The following SCN4B variants were observed in gnomAD, a reference collection of about 807,000 sequenced individuals.
SCN4B encodes sodium voltage-gated channel beta subunit 4.
In SCN4B, 20 loss-of-function variants were observed where a neutral mutation model predicts 19.6. The ratio of observed to expected loss-of-function variants is 1.02; its 90% CI spans 0.72 to 1.48. SCN4B has a LOEUF of 1.48. Among genes scored for constraint, SCN4B ranks in the 40% most tolerant of loss-of-function variants. SCN4B has a pLI of 0.00. For missense variants in SCN4B, 271 were observed against 287.5 expected (o/e 0.94, Z 0.42); for synonymous variants, 127 against 122.8 (o/e 1.03, Z -0.22).
chr11:118,144,623 C>A (rs539521629), intron 2 of SCN4B, among the ~76,000 whole-genome samples: 1 of 152,140 alleles, frequency 6.6e-6, no homozygotes, highest in Non-Finnish European at 1.5e-5. Flanking sequence ...CCACCGCAGC[C>A]GCGCCAATGC....
chr11:118,151,975 C>T (rs45467494), intron 1 of SCN4B, among the ~76,000 whole-genome samples: 2 of 152,192 alleles, frequency 1.3e-5, no homozygotes, highest in Admixed American at 6.5e-5. Context: ...GTCTTCCCTA[C>T]GGAATCTCTT....
At chr11:118,145,333 C>G in intron 1 of SCN4B, 104 bp from the exon 2 acceptor site, 2 of 1,567,926 alleles carry the variant, frequency 1.3e-6, no homozygotes, top group Non-Finnish European at 1.7e-6. Context: ...AGGTAGGTCT[C>G]TATCACCCTC....
chr11:118,140,896 G>T (rs571707804), intron 4 of SCN4B, among the ~76,000 whole-genome samples: 67 of 152,292 alleles, frequency 4.4e-4, no homozygotes, highest in African/African-American at 1.5e-3. Context: ...AAGGCTCTCG[G>T]TTGGGTGGTA....
In SCN4B at chr11:118,148,485, C is replaced by G. The variant is rs1948204969; in HGVS notation, c.62-3256G>C. Reference sequence around the variant, plus strand: ...CGCAAGGCAGGCCCCACTCTGCCAGCTGACCTTGAGAAAGTCAGAGGTGCC... The same window carrying G: ...CGCAAGGCAGGCCCCACTCTGCCAGGTGACCTTGAGAAAGTCAGAGGTGCC... On this transcript the variant is annotated intron_variant, in intron 1 of 4. Transcript: ENST00000324727. The surrounding 1 kb of genome is among the most constrained non-coding windows in gnomAD (Gnocchi z 4.0). 6.6e-6 allele frequency among the ~76,000 whole-genome samples: 1 copy of G among 152,248 alleles called. No individual in the cohort carries two copies. Among genetic ancestry groups the G allele is most frequent in the African/African-American group, 2.4e-5 (1 of 41,472 alleles).
intron 4 of SCN4B, among the ~76,000 whole-genome samples, chr11:118,140,016 G>T (rs111587808): frequency 0.018 from 2,787 of 151,684 alleles, 90 homozygotes; most frequent in African/African-American, 0.062. Context: ...GGGACTTCAG[G>T]CACACACATC....
Position 118,141,310 on chromosome 11 carries a change from G to A in SCN4B, c.490C>T (p.Leu164Phe). 2.5e-6 allele frequency: 4 copies of A among 1,612,454 alleles called. No individual in the cohort carries two copies. Among genetic ancestry groups the A allele is most frequent in the Non-Finnish European group, 3.4e-6 (4 of 1,180,016 alleles). The change falls in exon 4 of 5, where the codon CTC becomes TTC. Residue 164 changes from leucine (L) to phenylalanine (F), a missense_variant. By Grantham distance (22) the Leu-to-Phe change is conservative (BLOSUM62 0). Coordinates refer to ENST00000324727, the MANE Select transcript of SCN4B (RefSeq NM_174934.4). ...RLEEVDNTVT[L>F]IILAVVGGVI... ...CCGCCCACGACAGCCAGGATGATGA[G>A]TGTCACTGTGTTGTCCACTTCTTCC...
rs945651773 is a variant in SCN4B at position 118,134,951 on chromosome 11, G to A, written c.*2076C>T. On this transcript the variant is annotated 3_prime_UTR_variant, in exon 5 of 5. Coordinates refer to ENST00000324727, the MANE Select transcript of SCN4B (RefSeq NM_174934.4). The stretch of plus-strand genomic sequence containing the variant: ...CATCTAGAAATCAGCAGTAGACCCT[G>A]GGGAGGAAAGAGAGGATGGTGCCCT... 7.5e-5 allele frequency: 34 copies of A among 453,996 alleles called. No homozygotes were observed. Among genetic ancestry groups the A allele is most frequent in the Non-Finnish European group, 1.4e-4 (32 of 226,798 alleles). The allele number at this position is 453,996 out of a possible 1,614,324, so 28.1% of individuals were successfully genotyped here.
At chr11:118,143,748 AT>A (rs1948130267) in intron 3 of SCN4B, 84 bp downstream of exon 3, 1 of 918,064 alleles carries the variant, frequency 1.1e-6, no homozygotes, top group Non-Finnish European at 1.8e-6. Context: ...AACACGGTCC[AT>A]TTTGCCATTT....
Position 118,136,318 on chromosome 11 carries a change from C to G in SCN4B, c.*709G>C, listed in dbSNP as rs1177696521. ...AGGCTCGAGGGGCCCCTTCCTGAGC[C>G]CCTCAGTAACCCAGAGAGCAGAGGA... On this transcript the variant is annotated 3_prime_UTR_variant, in exon 5 of 5. Transcript: ENST00000324727. 2.2e-6 allele frequency: 1 copy of G among 453,712 alleles called. No homozygotes were observed. The highest frequency in any genetic ancestry group is 4.4e-6 in the Non-Finnish European group (1 of 226,706). The allele number at this position is 453,712 out of a possible 1,614,324, so 28.1% of individuals were successfully genotyped here.
chr11:118,142,486 TTTC>T (rs1208109869), intron 3 of SCN4B, among the ~76,000 whole-genome samples: 1 of 152,250 alleles, frequency 6.6e-6, no homozygotes, highest in East Asian at 1.9e-4. Context: ...TGCTTTATTT[TTTC>T]TTCTTAACAC....
Position 118,144,075 on chromosome 11 carries a change from G to A in SCN4B, c.235-14C>T. The A allele has an allele frequency of 6.3e-7, 1 of 1,574,904 alleles. No homozygotes were observed. The highest frequency in any genetic ancestry group is 1.1e-5 in the South Asian group (1 of 90,324). ...CCCCTCTATGAGCTGGTGGAGGAAG[G>A]GAGTTGGGGTGAGAAAGTAGCCGAG... On this transcript the variant is annotated splice_polypyrimidine_tract_variant and intron_variant, in intron 2 of 4. Transcript: ENST00000324727.
intron 2 of SCN4B, 27 bp from the exon 3 acceptor site, chr11:118,144,088 G>C (rs747158348): frequency 5.8e-5 from 87 of 1,493,512 alleles, no homozygotes; most frequent in Middle Eastern, 5.1e-4. Context: ...GTTGGGGTGA[G>C]AAAGTAGCCG....
Position 118,136,149 on chromosome 11 carries a change from C to T in SCN4B, c.*878G>A, listed in dbSNP as rs1735192576. The T allele has an allele frequency of 4.4e-6, 2 of 453,370 alleles. No individual in the cohort carries two copies. Among genetic ancestry groups the T allele is most frequent in the African/African-American group, 2.0e-5 (1 of 49,932 alleles). The allele number at this position is 453,370 out of a possible 1,614,324, so 28.1% of individuals were successfully genotyped here. On this transcript the variant is annotated 3_prime_UTR_variant, in exon 5 of 5. Transcript: ENST00000324727. ...AGTGCCCAGAGTGGCGATGGTCCTG[C>T]CATGCCAGGGGAGGGGCTGCCAGCA...
At chr11:118,138,211 C>T (rs1011496693) in intron 4 of SCN4B, among the ~76,000 whole-genome samples, 3 of 152,354 alleles carry the variant, frequency 2.0e-5, no homozygotes, top group East Asian at 1.9e-4. Context: ...AGCCAAACTA[C>T]ATCCTACCCT....
chr11:118,149,015 T>C (rs1948210142), intron 1 of SCN4B, among the ~76,000 whole-genome samples: 2 of 152,304 alleles, frequency 1.3e-5, no homozygotes, highest in South Asian at 4.1e-4. Context: ...AAAAAGCCAC[T>C]CTCAGAGCAG....
At chr11:118,139,796 A>G (rs1490097180) in intron 4 of SCN4B, among the ~76,000 whole-genome samples, 1 of 152,116 alleles carries the variant, frequency 6.6e-6, no homozygotes, top group African/African-American at 2.4e-5. Flanking sequence ...AATTCCTAAC[A>G]TATGGTAGGC....
chr11:118,147,209 A>G (rs1174926449), intron 1 of SCN4B, among the ~76,000 whole-genome samples: 1 of 152,246 alleles, frequency 6.6e-6, no homozygotes, highest in Middle Eastern at 3.2e-3. Context: ...AAAGGCAGGT[A>G]TAATGTTCCC....
intron 3 of SCN4B, among the ~76,000 whole-genome samples, chr11:118,143,355 G>T (rs1591435694): frequency 6.6e-6 from 1 of 152,206 alleles, no homozygotes; most frequent in Non-Finnish European, 1.5e-5. Flanking sequence ...TATGCATCAT[G>T]TTCTGCCCAT....
intron 1 of SCN4B, among the ~76,000 whole-genome samples, chr11:118,147,185 T>C (rs576041507): frequency 7.9e-5 from 12 of 152,298 alleles, no homozygotes; most frequent in African/African-American, 2.9e-4. Flanking sequence ...ACTACGACTT[T>C]TATTAGAATG....
Sources: allele counts gnomAD v4.1 joint callset (sites outside exome capture counted in the v4.1 genomes callset), GRCh38; gene constraint gnomAD v4.1.1; non-coding constraint Gnocchi (gnomAD v3.1); transcripts MANE v1.5; gene names NCBI Gene and HGNC (gene_info 2026-07-23, HGNC 2026-07-21).